The following FANCA variants were observed in gnomAD, a reference collection of about 807,000 sequenced individuals.
The protein encoded by FANCA is Fanconi anemia group A protein.
Under a neutral mutation model 194.3 loss-of-function variants are expected in FANCA, and 236 were observed. The observed-to-expected ratio is 1.21, with a 90% CI of 1.09 to 1.35. The LOEUF is 1.35. Among genes scored for constraint, FANCA ranks in the 40% most tolerant of loss-of-function variants. The pLI, the probability that FANCA is intolerant of heterozygous loss-of-function variation, is 0.00. For synonymous variants in FANCA, 1,014 were observed against 715.8 expected (o/e 1.42, Z -6.65); for missense variants, 2,628 against 1,813.9 (o/e 1.45, Z -8.15).
intron 41 of FANCA, 37 bp from the exon 42 acceptor site, chr16:89,739,011 CATACAG>C (rs1567592284): frequency 1.9e-6 from 3 of 1,614,104 alleles, no homozygotes; most frequent in Non-Finnish European, 2.5e-6. Context: ...GGTTAGAAGA[CATACAG>C]AAACAGGGCT....
At chr16:89,785,251 T>A (rs1469373029) in intron 14 of FANCA, among the ~76,000 whole-genome samples, 2 of 152,214 alleles carry the variant, frequency 1.3e-5, no homozygotes, top group Admixed American at 6.5e-5. Context: ...AAGAGATATC[T>A]AAAAGTTATT....
chr16:89,770,286 G>A (rs924886738), intron 24 of FANCA, 27 bp from the exon 25 acceptor site: 1 of 1,540,550 alleles, frequency 6.5e-7, no homozygotes, highest in African/African-American at 1.4e-5. Context: ...GAAACCATCA[G>A]TACTAGCCAT....
intron 17 of FANCA, among the ~76,000 whole-genome samples, chr16:89,781,703 AG>A (rs1266917147): frequency 7.0e-6 from 1 of 142,972 alleles, no homozygotes; most frequent in Admixed American, 7.2e-5. Context: ...TAAAAAGTAA[AG>A]AATGTTTTCA....
chr16:89,798,843 G>A, intron 10 of FANCA: 2 of 1,505,212 alleles, frequency 1.3e-6, no homozygotes, highest in South Asian at 2.6e-5. Flanking sequence ...ATCACACCCA[G>A]GGAAGGAGGA....
At chr16:89,762,967 G>T (rs1222336116) in intron 28 of FANCA, among the ~76,000 whole-genome samples, 1 of 147,746 alleles carries the variant, frequency 6.8e-6, no homozygotes, top group Non-Finnish European at 1.5e-5. Flanking sequence ...AAAAAAAAGG[G>T]TTGGGCGTGG....
intron 33 of FANCA, among the ~76,000 whole-genome samples, chr16:89,748,415 G>A (rs1357266582): frequency 1.3e-5 from 2 of 152,220 alleles, no homozygotes; most frequent in Non-Finnish European, 2.9e-5. Context: ...AAACTTGAGG[G>A]AAACTAAAGG....
chr16:89,799,462 A>C, intron 9 of FANCA, 143 bp downstream of exon 9: 1 of 1,002,310 alleles, frequency 1.0e-6, no homozygotes, highest in Non-Finnish European at 1.6e-6. Flanking sequence ...AAAATGCCAA[A>C]ACAAGGGCAT....
chr16:89,790,250 C>T (rs868526347), intron 14 of FANCA, among the ~76,000 whole-genome samples: 1 of 150,246 alleles, frequency 6.7e-6, no homozygotes, highest in Non-Finnish European at 1.5e-5. Flanking sequence ...AAAAATTAGC[C>T]AGGTGTGGTG....
chr16:89,816,243 G>A (rs895217245), intron 1 of FANCA: 5 of 474,850 alleles, frequency 1.1e-5, no homozygotes, highest in South Asian at 8.1e-5. Flanking sequence ...TGCGCTGAGG[G>A]GAGCCCCAGG....
At chr16:89,748,805 C>G (rs775333091) in intron 32 of FANCA, 38 bp from the exon 33 acceptor site, 1 of 1,550,084 alleles carries the variant, frequency 6.5e-7, no homozygotes, top group Non-Finnish European at 8.9e-7. Context: ...GACAGCACAG[C>G]GTACACTCTG....
rs17226026 is a variant in FANCA at position 89,798,903 on chromosome 16, T to C, written c.893+263A>G. ...GAGGTCACAGTGAGTGGGACAAACA[T>C]TGGTGCAGGACTTCCAGAGGCGGAA... On this transcript the variant is annotated intron_variant, in intron 10 of 42. Coordinates refer to ENST00000389301, the MANE Select transcript of FANCA (RefSeq NM_000135.4). 0.016 allele frequency: 25,618 copies of C among 1,591,436 alleles called. 409 individuals carry two copies. The highest frequency in any genetic ancestry group is 0.058 in the South Asian group (5,160 of 89,166).
At chr16:89,767,087 G>C in intron 27 of FANCA, 54 bp downstream of exon 27, 1 of 1,419,156 alleles carries the variant, frequency 7.0e-7, no homozygotes, top group Non-Finnish European at 1.0e-6. Context: ...TCCGAAAGCT[G>C]CGTAAACCTG....
intron 8 of FANCA, 65 bp from the exon 9 acceptor site, chr16:89,799,703 A>C: frequency 3.0e-6 from 4 of 1,316,858 alleles, no homozygotes; most frequent in East Asian, 4.6e-5. Context: ...TACCTGCATC[A>C]CACAAGAGAA....
At chr16:89,749,930 G>C in intron 31 of FANCA, 28 bp from the exon 32 acceptor site, 1 of 1,613,002 alleles carries the variant, frequency 6.2e-7, no homozygotes, top group Non-Finnish European at 8.5e-7. Context: ...GCTGGCACAG[G>C]AAGGCCTCGG....
At chr16:89,740,392 C>T (rs1008060451) in intron 38 of FANCA, 1 of 494,324 alleles carries the variant, frequency 2.0e-6, no homozygotes, top group African/African-American at 1.9e-5. Flanking sequence ...GTAATCCCAA[C>T]ACTTTGGGAG....
rs557319516 is a variant in FANCA, at chr16:89,738,351, C to T, written c.*250G>A. The T allele has an allele frequency of 3.5e-5, 52 of 1,476,986 alleles. No individual in the cohort carries two copies. The African/African-American group carries it at 3.6e-4, about 10-fold the overall frequency. The allele number at this position is 1,476,986 out of a possible 1,614,324, so 91.5% of individuals were successfully genotyped here. A position where few individuals can be genotyped will look rare whatever the true frequency, so the allele number is the denominator to read the frequency against. On this transcript the variant is annotated 3_prime_UTR_variant, in exon 43 of 43. Coordinates refer to ENST00000389301, the MANE Select transcript of FANCA (RefSeq NM_000135.4). ...CATGGGAGGGTCGGAGGGTGCTGCCCGCCCTTGGTGCTGGAGGCGGGCTTG... is the reference window on the plus strand; with the variant it reads ...CATGGGAGGGTCGGAGGGTGCTGCCTGCCCTTGGTGCTGGAGGCGGGCTTG...
rs1240540153 is a variant in FANCA, at chr16:89,738,283, A to C, written c.*318T>G. On this transcript the variant is annotated 3_prime_UTR_variant, in exon 43 of 43. Coordinates refer to ENST00000389301, the MANE Select transcript of FANCA (RefSeq NM_000135.4). ...AGGATGAGCACCTCTAGCAGCCTGGACTCCGCAGTGGCTGTGTCAGCCTCA... is the reference window on the plus strand; with the variant it reads ...AGGATGAGCACCTCTAGCAGCCTGGCCTCCGCAGTGGCTGTGTCAGCCTCA... 6.4e-7 allele frequency: 1 copy of C among 1,555,352 alleles called. No individual in the cohort carries two copies. Among genetic ancestry groups the C allele is most frequent in the Non-Finnish European group, 8.7e-7 (1 of 1,151,930 alleles).
chr16:89,799,684 T>C (rs1323620121), intron 8 of FANCA, 46 bp from the exon 9 acceptor site: 3 of 1,469,786 alleles, frequency 2.0e-6, no homozygotes, highest in Admixed American at 1.7e-5. Flanking sequence ...TCTTCTGTAA[T>C]TTGTGTGATA....
chr16:89,814,603 G>T lies in FANCA; in HGVS notation c.200C>A (p.Pro67Gln), dbSNP rs200698961. The T allele has an allele frequency of 2.7e-4, 437 of 1,612,504 alleles. 1 individual carries two copies. Among genetic ancestry groups the T allele is most frequent in the Non-Finnish European group, 3.6e-4 (429 of 1,178,778 alleles). ...GCTGAGAGACAATTTTTTACACAGT[G>T]GACCTTCTACCTAGAATCCAAAACA... is the stretch of plus-strand genomic sequence containing the variant. ...LNALLLEVEG[P>Q]LCKKLSLSKV... Residue 67 changes from proline to glutamine, a missense_variant, in exon 3 of 43, where the codon CCA (proline) becomes CAA (glutamine). Physicochemically the swap from Pro to Gln is moderately conservative, Grantham distance 76. Transcript: ENST00000389301.
Sources: allele counts gnomAD v4.1 joint callset (sites outside exome capture counted in the v4.1 genomes callset), GRCh38; gene constraint gnomAD v4.1.1; transcripts MANE v1.5; gene names NCBI Gene and HGNC (gene_info 2026-07-23, HGNC 2026-07-21).